LRIG1: variants seen among roughly 807,000 people sequenced by gnomAD.
LRIG1 encodes leucine-rich repeats and immunoglobulin-like domains protein 1.
Under a neutral mutation model 99.2 loss-of-function variants are expected in LRIG1, and 48 were observed. The ratio of observed to expected loss-of-function variants is 0.48; its 90% CI spans 0.38 to 0.62. LRIG1 has a LOEUF of 0.62. Among genes scored for constraint, LRIG1 ranks in the 20% least tolerant of loss-of-function variants. LRIG1 has a pLI of 0.00. For missense variants in LRIG1, 1,646 were observed against 1,434.4 expected (o/e 1.15, Z -2.38); for synonymous variants, 772 against 596.1 (o/e 1.29, Z -4.30).
In LRIG1 at chr3:66,382,384, G is replaced by T. The variant is rs749199016; in HGVS notation, c.2506C>A (p.Pro836Thr). The T allele has an allele frequency of 6.2e-7, 1 of 1,614,200 alleles. No individual in the cohort carries two copies. The highest frequency in any genetic ancestry group is 8.5e-7 in the Non-Finnish European group (1 of 1,180,026). The change falls in exon 16 of 19, where the codon CCA becomes ACA. Residue 836 changes from proline to threonine, a missense_variant. Transcript: ENST00000273261. ...GAGAGGTAGCTTGGAACATCTGGTG[G>T]CACGACGGTTTCATCTGCAAGGAGA... ...SVTNTDETVV[P>T]PDVPSYLSSQ... is the part of the protein sequence containing the mutation.
chr3:66,465,695 A>G (rs1455955183), intron 1 of LRIG1, among the ~76,000 whole-genome samples: 2 of 152,194 alleles, frequency 1.3e-5, no homozygotes, highest in East Asian at 3.9e-4. Flanking sequence ...GTGGTAAAAT[A>G]CATATAACAT....
At chr3:66,404,325 C>T (rs948277826) in intron 9 of LRIG1, 32 of 1,288,304 alleles carry the variant, frequency 2.5e-5, no homozygotes, top group Non-Finnish European at 3.0e-5. Flanking sequence ...TCACTGGGGA[C>T]GGGCTGGGGG....
chr3:66,410,420 C>T, intron 6 of LRIG1, 148 bp from the exon 7 acceptor site: 1 of 701,524 alleles, frequency 1.4e-6, no homozygotes, highest in Non-Finnish European at 2.3e-6. Context: ...TAGTCGCACA[C>T]ATGTGCATGT....
intron 1 of LRIG1, among the ~76,000 whole-genome samples, chr3:66,483,070 G>A (rs985978373): frequency 4.0e-5 from 6 of 151,826 alleles, no homozygotes; most frequent in African/African-American, 1.2e-4. Context: ...AGCACCCCCC[G>A]TAAGGCCACC....
At chr3:66,409,965 G>A (rs1489486249) in intron 7 of LRIG1, 164 bp downstream of exon 7, 13 of 620,378 alleles carry the variant, frequency 2.1e-5, no homozygotes, top group Admixed American at 9.9e-5. Context: ...GGCTCAAATC[G>A]CTGAGGGTTC....
At chr3:66,454,182 C>G (rs1703996121) in intron 2 of LRIG1, among the ~76,000 whole-genome samples, 1 of 152,162 alleles carries the variant, frequency 6.6e-6, no homozygotes, top group African/African-American at 2.4e-5. Context: ...ATCATTTCTA[C>G]TGAAAAAAGA....
chr3:66,446,713 C>T (rs1703740103), intron 3 of LRIG1, among the ~76,000 whole-genome samples: 1 of 151,994 alleles, frequency 6.6e-6, no homozygotes, highest in Admixed American at 6.6e-5. Flanking sequence ...GCCTTCCTAT[C>T]CCTTTCATTT....
At chr3:66,446,921 G>A (rs1050265604) in intron 3 of LRIG1, among the ~76,000 whole-genome samples, 4 of 119,104 alleles carry the variant, frequency 3.4e-5, no homozygotes, top group African/African-American at 9.5e-5. Context: ...AGAAGTGACT[G>A]TTGAAGGAGT....
At chr3:66,390,788 T>TA (rs1701586716) in intron 12 of LRIG1, among the ~76,000 whole-genome samples, 1 of 152,140 alleles carries the variant, frequency 6.6e-6, no homozygotes, top group South Asian at 2.1e-4. Context: ...ATCAAAAGCA[T>TA]ACGTAATAAA....
intron 11 of LRIG1, among the ~76,000 whole-genome samples, chr3:66,397,635 G>A (rs139876113): frequency 6.6e-6 from 1 of 152,194 alleles, no homozygotes; most frequent in Non-Finnish European, 1.5e-5. Flanking sequence ...GAAATGGTAT[G>A]GGCAGACACC....
rs565504501 is a variant in LRIG1 at position 66,394,107 on chromosome 3, G to A, written c.1401C>T (p.Thr467=). The change falls in exon 12 of 19, where the codon ACC becomes ACT. Residue 467 remains threonine, a synonymous_variant. Coordinates refer to ENST00000273261, the MANE Select transcript of LRIG1 (RefSeq NM_015541.3). The part of the protein sequence containing the change: ...GRMLQAFVTA[T]CAHPESLKGQ... ...CCTTCAGTGATTCTGGGTGGGCACA[G>A]GTGGCTGTCACAAAGGCCTGCAGCA... is the stretch of plus-strand genomic sequence containing the variant. 3.1e-6 allele frequency: 5 copies of A among 1,614,004 alleles called. No individual in the cohort carries two copies. In the African/African-American group the frequency reaches 5.3e-5, roughly 17 times the overall value.
chr3:66,440,288 AT>A (rs1489093614), intron 3 of LRIG1, among the ~76,000 whole-genome samples: 1 of 152,052 alleles, frequency 6.6e-6, no homozygotes, highest in Non-Finnish European at 1.5e-5. Flanking sequence ...AGACATCTAG[AT>A]TTTTTTAAGC....
chr3:66,457,701 G>A (rs1700262073), intron 2 of LRIG1, among the ~76,000 whole-genome samples: 1 of 152,144 alleles, frequency 6.6e-6, no homozygotes, highest in South Asian at 2.1e-4. Context: ...AGGGTCTCAG[G>A]ACCCTAGTAA....
chr3:66,459,664 A>T (rs1324244492), intron 2 of LRIG1, among the ~76,000 whole-genome samples: 2 of 152,186 alleles, frequency 1.3e-5, no homozygotes, highest in African/African-American at 4.8e-5. Flanking sequence ...TATTCAGTCC[A>T]TGGCTTCCCT....
chr3:66,398,019 C>T (rs1701920991), intron 11 of LRIG1, 93 bp downstream of exon 11: 1 of 1,052,118 alleles, frequency 9.5e-7, no homozygotes, highest in Admixed American at 2.0e-5. Flanking sequence ...ACCATGTGAA[C>T]TTTTAACAAG....
chr3:66,447,235 C>T lies in LRIG1; in HGVS notation c.365+4324G>A, dbSNP rs181807154. ...GTATTACAAACAATCCAATTACACTCTTAATTATTTTTAAATGTACAATTA... is the reference window on the plus strand; with the variant it reads ...GTATTACAAACAATCCAATTACACTTTTAATTATTTTTAAATGTACAATTA... On this transcript the variant is annotated intron_variant, in intron 3 of 18. Coordinates refer to ENST00000273261, the MANE Select transcript of LRIG1 (RefSeq NM_015541.3). 1.4e-3 allele frequency among the ~76,000 whole-genome samples: 215 copies of T among 152,200 alleles called. 1 individual carries two copies. Among genetic ancestry groups the T allele is most frequent in the Middle Eastern group, 6.8e-3 (2 of 294 alleles).
At chr3:66,441,771 C>A (rs1315523420) in intron 3 of LRIG1, among the ~76,000 whole-genome samples, 1 of 152,178 alleles carries the variant, frequency 6.6e-6, no homozygotes, top group African/African-American at 2.4e-5. Flanking sequence ...CTTCTAGGCA[C>A]CCAGACCACA....
At chr3:66,404,510 G>T in intron 9 of LRIG1, 1 of 902,446 alleles carries the variant, frequency 1.1e-6, no homozygotes, top group Non-Finnish European at 1.4e-6. Context: ...GGGAACGTGG[G>T]CTTTGGAGCC....
chr3:66,499,239 C>A (rs746369822), intron 1 of LRIG1, among the ~76,000 whole-genome samples: 5 of 152,186 alleles, frequency 3.3e-5, no homozygotes, highest in Non-Finnish European at 5.9e-5. Context: ...CCTGTCAAAT[C>A]TCCTGTAAGA....
Sources: allele counts gnomAD v4.1 joint callset (sites outside exome capture counted in the v4.1 genomes callset), GRCh38; gene constraint gnomAD v4.1.1; transcripts MANE v1.5; gene names NCBI Gene and HGNC (gene_info 2026-07-23, HGNC 2026-07-21).